Variants in SP140 observed in about 807,000 individuals in gnomAD.
SP140 encodes the protein nuclear body protein SP140.
A neutral mutation model predicts 125.0 loss-of-function variants in SP140; 81 were observed. That is an observed-to-expected ratio of 0.65 (90% CI 0.54 to 0.78). SP140 has a LOEUF of 0.78. Ranked by LOEUF, SP140 falls within the 30% of genes least tolerant of loss-of-function variation. The probability of loss-of-function intolerance (pLI) is 0.00; values close to 1 mark genes in which losing one functional copy is unlikely to be tolerated. For missense variants in SP140, 858 were observed against 1,037.0 expected, an observed-to-expected ratio of 0.83 and a Z score of 2.37; for synonymous variants, 312 against 354.0, an observed-to-expected ratio of 0.88 and a Z score of 1.33.
At chr2:230,209,950 G>A in intron 1 of SP140, 5 of 1,605,300 alleles carry the variant, frequency 3.1e-6, no homozygotes, top group Non-Finnish European at 4.3e-6. Context: ...CTGAAGGTGT[G>A]CTGGACACCT....
intron 1 of SP140, among the ~76,000 whole-genome samples, chr2:230,236,820 G>T (rs1299941495): frequency 1.3e-5 from 2 of 152,180 alleles, no homozygotes; most frequent in Non-Finnish European, 2.9e-5. Context: ...TCAGGTGAAG[G>T]TCTCTTTATA....
chr2:230,190,345 A>AT, the SP140 span, among the ~76,000 whole-genome samples: 11,391 of 151,228 alleles, frequency 0.075, 607 homozygotes, highest in South Asian at 0.24. Context: ...GGCTACGTAA[A>AT]TTTTTTTTTT....
Position 230,285,764 on chromosome 2 carries a change from C to T in SP140, c.1577C>T (p.Ala526Val), listed in dbSNP as rs550419954. 6.2e-7 allele frequency: 1 copy of T among 1,613,532 alleles called. No individual in the cohort carries two copies. The highest frequency in any genetic ancestry group is 2.2e-5 in the East Asian group (1 of 44,864). Residue 526 changes from alanine (A) to valine (V), a missense_variant, in exon 17 of 27, where the codon GCC becomes GTC. Physicochemically the swap from Ala to Val is moderately conservative, Grantham distance 64 (BLOSUM62 0). This residue lies in a region of SP140 where 791 missense variants were observed against 869.5 expected (regional missense o/e 0.91). Coordinates refer to ENST00000392045, the MANE Select transcript of SP140 (RefSeq NM_007237.5). ...ENSQQNDNSK[A>V]DGQVVSSEKK... is the part of the protein sequence containing the mutation. The stretch of plus-strand genomic sequence containing the variant: ...TGCCTATCCCCAGATAATAGCAAAG[C>T]CGACGGCCAGGTGGTCTCCAGTGAA...
the SP140 span, among the ~76,000 whole-genome samples, chr2:230,191,053 C>T: frequency 6.6e-6 from 1 of 152,044 alleles, no homozygotes; most frequent in African/African-American, 2.4e-5. Context: ...TTCTTCGATT[C>T]CATATGAAAT....
At chr2:230,297,971 C>T (rs942685003) in intron 22 of SP140, among the ~76,000 whole-genome samples, 1 of 152,172 alleles carries the variant, frequency 6.6e-6, no homozygotes, top group African/African-American at 2.4e-5. Context: ...CTGTCATTAG[C>T]CCTGTAAAGG....
At chr2:230,234,952 T>A (rs1205371048) in intron 1 of SP140, 3 of 152,246 alleles carry the variant, frequency 2.0e-5, no homozygotes, top group Non-Finnish European at 4.4e-5. Flanking sequence ...CCACAAATGC[T>A]GTGGTCTGTT....
At chr2:230,250,223 C>T (rs1189482662) in intron 9 of SP140, among the ~76,000 whole-genome samples, 1 of 152,236 alleles carries the variant, frequency 6.6e-6, no homozygotes, top group Non-Finnish European at 1.5e-5. Flanking sequence ...GCACAATTGG[C>T]AATTGCAAGA....
At chr2:230,234,560 G>T (rs2047703859) in intron 1 of SP140, among the ~76,000 whole-genome samples, 1 of 152,142 alleles carries the variant, frequency 6.6e-6, no homozygotes, top group East Asian at 1.9e-4. Context: ...AACTGAATGG[G>T]TATACACTTT....
chr2:230,307,990 T>TATATATATATATATATATAC (rs869070046), intron 22 of SP140, among the ~76,000 whole-genome samples: 2 of 52,638 alleles, frequency 3.8e-5, no homozygotes, highest in South Asian at 1.0e-3. Flanking sequence ...TATATATATA[T>TATATATATATATATATATAC]ACACACACAC....
chr2:230,257,075 T>C (rs1232920698), intron 12 of SP140, among the ~76,000 whole-genome samples: 1 of 152,078 alleles, frequency 6.6e-6, no homozygotes, highest in African/African-American at 2.4e-5. Flanking sequence ...CCTTACAGGC[T>C]TTCAGTTCTA....
chr2:230,250,851 TA>T, intron 9 of SP140, 129 bp from the exon 10 acceptor site: 1 of 911,270 alleles, frequency 1.1e-6, no homozygotes. Flanking sequence ...TGAACCCACC[TA>T]CAGAACCCAC....
chr2:230,204,425 A>T (rs773117779), intron 1 of SP140, among the ~76,000 whole-genome samples: 3 of 152,134 alleles, frequency 2.0e-5, no homozygotes, highest in Non-Finnish European at 4.4e-5. Context: ...TAAATATGGG[A>T]TAATAAGAAT....
At chr2:230,294,837 A>T (rs1382713767) in intron 21 of SP140, among the ~76,000 whole-genome samples, 1 of 152,222 alleles carries the variant, frequency 6.6e-6, no homozygotes, top group African/African-American at 2.4e-5. Context: ...TTCTTTTCTG[A>T]TCCTTCACAT....
chr2:230,241,549 G>A (rs2048731390), intron 4 of SP140, 62 bp downstream of exon 4: 3 of 965,240 alleles, frequency 3.1e-6, no homozygotes, highest in African/African-American at 3.2e-5. Flanking sequence ...CTTCATGGAG[G>A]CAAATCTTGT....
intron 12 of SP140, among the ~76,000 whole-genome samples, chr2:230,264,728 G>A (rs1433608011): frequency 6.6e-6 from 1 of 152,172 alleles, no homozygotes; most frequent in Non-Finnish European, 1.5e-5. Context: ...CCAAACTGCA[G>A]TAATTGTTGT....
At chr2:230,223,039 C>CTT (rs34477714), upstream of SP140, among the ~76,000 whole-genome samples, 56 of 136,762 alleles carry the variant, frequency 4.1e-4, no homozygotes, top group Admixed American at 1.0e-3. Flanking sequence ...ATCAGTCTGA[C>CTT]TTTTTTTTTT....
the SP140 span, among the ~76,000 whole-genome samples, chr2:230,188,623 T>C: frequency 1.3e-5 from 2 of 152,236 alleles, no homozygotes; most frequent in Admixed American, 6.5e-5. Context: ...GGCTGTGGGT[T>C]TGTCATATAT....
intron 15 of SP140, among the ~76,000 whole-genome samples, chr2:230,280,530 G>T (rs1406446382): frequency 6.6e-6 from 1 of 151,970 alleles, no homozygotes; most frequent in Non-Finnish European, 1.5e-5. Context: ...TGGTATTGTT[G>T]ACCATTCTCT....
upstream of SP140, chr2:230,202,495 A>T: frequency 7.6e-7 from 1 of 1,309,164 alleles, no homozygotes; most frequent in Non-Finnish European, 1.1e-6. Context: ...TTGACTTTAC[A>T]TATCTACTTA....
Sources: gnomAD v4.1 joint callset for allele counts (sites outside exome capture counted in the v4.1 genomes callset) on GRCh38, gnomAD v4.1.1 for gene constraint, gnomAD v4.1.1 regional missense constraint, MANE v1.5 for transcripts, NCBI Gene and HGNC (gene_info 2026-07-23, HGNC 2026-07-21) for gene names.